ZHX1: variants seen among roughly 807,000 people sequenced by gnomAD.
ZHX1 encodes zinc fingers and homeoboxes 1.
ZHX1 carries 20 observed loss-of-function variants against 61.8 expected under a neutral mutation model. The observed-to-expected ratio is 0.32, with a 90% CI of 0.23 to 0.47. The LOEUF is 0.47. Among genes scored for constraint, ZHX1 ranks in the 20% least tolerant of loss-of-function variants. The pLI, the probability that ZHX1 is intolerant of heterozygous loss-of-function variation, is 1.00. For synonymous variants in ZHX1, 318 were observed against 352.6 expected (o/e 0.90, Z 1.10); for missense variants, 800 against 1,034.8 (o/e 0.77, Z 3.11).
chr8:123,262,452 C>T (rs905457866), intron 2 of ZHX1, among the ~76,000 whole-genome samples: 13 of 152,114 alleles, frequency 8.5e-5, no homozygotes, highest in African/African-American at 2.9e-4. Flanking sequence ...GAAAATTTCA[C>T]GAGATTATGG....
chr8:123,263,266 A>G (rs1227670812), intron 2 of ZHX1, among the ~76,000 whole-genome samples: 1 of 151,954 alleles, frequency 6.6e-6, no homozygotes, highest in Non-Finnish European at 1.5e-5. Context: ...ATCTATCTGT[A>G]TACTGGATCT....
chr8:123,260,409 G>A (rs932689107), intron 2 of ZHX1, among the ~76,000 whole-genome samples: 6 of 151,810 alleles, frequency 4.0e-5, no homozygotes, highest in African/African-American at 1.4e-4. Flanking sequence ...GACCAGGCTG[G>A]CCAACATGGT....
At chr8:123,253,216 A>T in intron 3 of ZHX1, 106 bp downstream of exon 3, 1 of 943,632 alleles carries the variant, frequency 1.1e-6, no homozygotes, top group Non-Finnish European at 1.6e-6. Flanking sequence ...AAGAAAAACT[A>T]CTTCAGAAAA....
At chr8:123,274,447 G>C (rs985891663), upstream of ZHX1, 1 of 152,176 alleles carries the variant, frequency 6.6e-6, no homozygotes, top group African/African-American at 2.4e-5. Flanking sequence ...GAGGGGGAAG[G>C]GAGAGAGCCG....
intron 2 of ZHX1, 25 bp downstream of exon 2, chr8:123,267,248 C>T: frequency 6.5e-7 from 1 of 1,527,100 alleles, no homozygotes; most frequent in Non-Finnish European, 8.8e-7. Flanking sequence ...TGAGTTTTAC[C>T]ATACCAAAAC....
intron 2 of ZHX1, among the ~76,000 whole-genome samples, chr8:123,260,172 A>G (rs1439175225): frequency 6.6e-6 from 1 of 151,764 alleles, no homozygotes; most frequent in Non-Finnish European, 1.5e-5. Context: ...AAAGAAAAAA[A>G]GAAAGAAAAG....
rs1586818481 is a variant in ZHX1, at chr8:123,248,463, C to T, written c.*1861G>A. 6.6e-6 allele frequency: 1 copy of T among 151,836 alleles called. No individual in the cohort carries two copies. Among genetic ancestry groups the T allele is most frequent in the East Asian group, 1.9e-4 (1 of 5,172 alleles). 9.4% of individuals were successfully genotyped at this position (151,836 alleles called of 1,614,324 possible). A position where few individuals can be genotyped will look rare whatever the true frequency, so the allele number is the denominator to read the frequency against. On this transcript the variant is annotated 3_prime_UTR_variant, in exon 4 of 4. Transcript: ENST00000395571. ...AAAAAAAAAAGGTCACTGTAAACTA[C>T]TAATCACTACTTTTATTTTGTATTC...
intron 1 of ZHX1, chr8:123,273,806 G>C (rs1241650515): frequency 6.6e-6 from 1 of 152,626 alleles, no homozygotes; most frequent in Non-Finnish European, 1.5e-5. Flanking sequence ...CCCTCCGCTG[G>C]GAATACGCAG....
rs1237081480 is a variant in ZHX1, at chr8:123,250,108, T to A, written c.*216A>T. 1 of 365,580 alleles carries A rather than the reference T, an allele frequency of 2.7e-6. No individual in the cohort carries two copies. The highest frequency in any genetic ancestry group is 5.4e-6 in the Non-Finnish European group (1 of 184,210). 22.6% of individuals were successfully genotyped at this position (365,580 alleles called of 1,614,324 possible). A position where few individuals can be genotyped will look rare whatever the true frequency, so the allele number is the denominator to read the frequency against. Reference sequence around the variant, plus strand: ...AATTGCATTTTTACAAGTTGTTTTTTAATTAGTGTTCTATTTACATTGCAG... The same window carrying A: ...AATTGCATTTTTACAAGTTGTTTTTAAATTAGTGTTCTATTTACATTGCAG... On this transcript the variant is annotated 3_prime_UTR_variant, in exon 4 of 4. Transcript: ENST00000395571.
intron 1 of ZHX1, among the ~76,000 whole-genome samples, chr8:123,273,060 C>A (rs1826708937): frequency 6.6e-6 from 1 of 151,830 alleles, no homozygotes; most frequent in East Asian, 1.9e-4. Flanking sequence ...CTGTATTCCT[C>A]TTTTCTCATC....
In ZHX1 at chr8:123,254,763, C is replaced by T. The variant is rs545103974; in HGVS notation, c.1184G>A (p.Gly395Asp). The change falls in exon 3 of 4, where the codon GGT becomes GAT. Residue 395 changes from glycine (G) to aspartate (D), a missense_variant. Gly to Asp is a moderately conservative substitution (Grantham distance 94). Transcript: ENST00000395571. The surrounding 1 kb of genome is among the most constrained non-coding windows in gnomAD (Gnocchi z 4.1). ...TCCAGCCACTTGAGTAAGGACCAGA[C>T]CAGGCTGACCAACTATTTGGCATGT... ...LQTCQIVGQP[G>D]LVLTQVAGTN... is the part of the protein sequence containing the mutation. 1 of 1,614,176 alleles carries T rather than the reference C, an allele frequency of 6.2e-7. No homozygotes were observed. The highest frequency in any genetic ancestry group is 8.5e-7 in the Non-Finnish European group (1 of 1,180,034).
At position 123,255,377 on chromosome 8, in the gene ZHX1, T is replaced by C. The variant is rs201116046; in HGVS notation, c.570A>G (p.Lys190=). Reference sequence around the variant, plus strand: ...GAACTGCAATCCGTTTATTTTCCACTTTATTTTTCATCATTTTCATGATAG... The same window carrying C: ...GAACTGCAATCCGTTTATTTTCCACCTTATTTTTCATCATTTTCATGATAG... ...KTPIMKMMKN[K]VENKRIAVHH... is the part of the protein sequence containing the mutation. Residue 190 remains lysine, a synonymous_variant, in exon 3 of 4, where the codon AAA becomes AAG. Coordinates refer to ENST00000395571, the MANE Select transcript of ZHX1 (RefSeq NM_007222.5). The C allele has an allele frequency of 3.1e-6, 5 of 1,613,668 alleles. No homozygotes were observed. The Admixed American group carries it at 5.0e-5, about 16-fold the overall frequency.
chr8:123,271,459 CTG>C (rs1273221349), intron 1 of ZHX1, among the ~76,000 whole-genome samples: 2 of 152,118 alleles, frequency 1.3e-5, no homozygotes, highest in East Asian at 1.9e-4. Flanking sequence ...ACTTTCAACA[CTG>C]TTTATTTAAG....
Position 123,254,100 on chromosome 8 carries a change from A to T in ZHX1, c.1847T>A (p.Phe616Tyr). Reference sequence around the variant, plus strand: ...AGCTTTTGATTTCTTCTTCTCTGTAAACCAAGCATCGATTTCTCTTCTGGT... The same window carrying T: ...AGCTTTTGATTTCTTCTTCTCTGTATACCAAGCATCGATTTCTCTTCTGGT... The part of the protein sequence containing the change: ...KLTRREIDAW[F>Y]TEKKKSKALK... The change falls in exon 3 of 4, where the codon TTT becomes TAT. Residue 616 changes from phenylalanine to tyrosine, a missense_variant. Physicochemically the swap from Phe to Tyr is conservative, Grantham distance 22. Coordinates refer to ENST00000395571, the MANE Select transcript of ZHX1 (RefSeq NM_007222.5). The surrounding 1 kb of genome is among the most constrained non-coding windows in gnomAD (Gnocchi z 4.1). 6.2e-7 allele frequency: 1 copy of T among 1,614,072 alleles called. No individual in the cohort carries two copies. Among genetic ancestry groups the T allele is most frequent in the Non-Finnish European group, 8.5e-7 (1 of 1,179,998 alleles).
chr8:123,262,382 T>C (rs1262325702), intron 2 of ZHX1, among the ~76,000 whole-genome samples: 1 of 152,192 alleles, frequency 6.6e-6, no homozygotes, highest in Non-Finnish European at 1.5e-5. Flanking sequence ...ATAATTATAA[T>C]AACTGTGAGG....
In ZHX1 at chr8:123,255,887, T is replaced by C. The variant is rs1338888498; in HGVS notation, c.60A>G (p.Pro20=). 2 of 1,614,116 alleles carry C rather than the reference T, an allele frequency of 1.2e-6. No individual in the cohort carries two copies. The highest frequency in any genetic ancestry group is 1.7e-6 in the Non-Finnish European group (2 of 1,180,006). ...PCMVLASEQD[P]DLELISDLDE... ...CCAAATCTGATATCAACTCAAGGTC[T>C]GGATCTTGTTCACTGGCAAGGACCA... Residue 20 remains proline (P), a synonymous_variant, in exon 3 of 4, where the codon CCA becomes CCG. Transcript: ENST00000395571.
chr8:123,254,707 C>T lies in ZHX1; in HGVS notation c.1240G>A (p.Ala414Thr). 1.2e-6 allele frequency: 2 copies of T among 1,614,168 alleles called. No individual in the cohort carries two copies. Among genetic ancestry groups the T allele is most frequent in the South Asian group, 1.1e-5 (1 of 91,086 alleles). ...TNTLPVTAPI[A>T]LTVAGVPSQN... ...CTTGGAACGCCTGCCACTGTCAAGG[C>T]TATAGGTGCTGTAACTGGCAAGGTG... is the stretch of plus-strand genomic sequence containing the variant. Residue 414 changes from alanine (A) to threonine (T), a missense_variant, in exon 3 of 4, where the codon GCC becomes ACC. Ala to Thr is a moderately conservative substitution (Grantham distance 58). Transcript: ENST00000395571. This position sits in a 1 kb window ranked among gnomAD's most constrained non-coding sequence, Gnocchi z 4.1.
intron 2 of ZHX1, among the ~76,000 whole-genome samples, chr8:123,266,093 T>C (rs1427152712): frequency 6.6e-6 from 1 of 152,172 alleles, no homozygotes; most frequent in African/African-American, 2.4e-5. Context: ...AGCTGGCAGG[T>C]AGGTAGGTAA....
At chr8:123,270,369 A>G (rs894803773) in intron 1 of ZHX1, among the ~76,000 whole-genome samples, 9 of 152,298 alleles carry the variant, frequency 5.9e-5, no homozygotes, top group African/African-American at 2.2e-4. Flanking sequence ...GAGTTATTTT[A>G]TTTACAATAA....
Sources: allele counts gnomAD v4.1 joint callset (sites outside exome capture counted in the v4.1 genomes callset), GRCh38; gene constraint gnomAD v4.1.1; non-coding constraint Gnocchi (gnomAD v3.1); transcripts MANE v1.5; gene names NCBI Gene and HGNC (gene_info 2026-07-23, HGNC 2026-07-21).